The following GALNT13 variants were observed in gnomAD, a reference collection of about 807,000 sequenced individuals.
GALNT13 encodes polypeptide N-acetylgalactosaminyltransferase 13, also known as UDP-GalNAc:polypeptide N-acetylgalactosaminyltransferase 13.
Under a neutral mutation model 64.2 loss-of-function variants are expected in GALNT13, and 28 were observed. The ratio of observed to expected loss-of-function variants is 0.44; its 90% CI spans 0.32 to 0.60. The LOEUF is 0.60. Ranked by LOEUF, GALNT13 falls within the 20% of genes least tolerant of loss-of-function variation. The pLI is 0.05. For missense variants in GALNT13, 577 were observed against 669.8 expected, an observed-to-expected ratio of 0.86 and a Z score of 1.53; for synonymous variants, 214 against 224.6, an observed-to-expected ratio of 0.95 and a Z score of 0.42.
chr2:153,718,769 C>T, the GALNT13 span, among the ~76,000 whole-genome samples: 1 of 152,146 alleles, frequency 6.6e-6, no homozygotes, highest in African/African-American at 2.4e-5. Flanking sequence ...AAGAACAATT[C>T]ACATTCTGCT....
chr2:154,155,321 C>T (rs951112565), intron 4 of GALNT13, among the ~76,000 whole-genome samples: 9 of 151,734 alleles, frequency 5.9e-5, no homozygotes, highest in African/African-American at 7.3e-5. Context: ...TTTTTTTATT[C>T]GTCTCATGGA....
intron 8 of GALNT13, among the ~76,000 whole-genome samples, chr2:154,299,358 A>G (rs1010691230): frequency 1.3e-5 from 2 of 151,996 alleles, no homozygotes; most frequent in Non-Finnish European, 2.9e-5. Flanking sequence ...AACTGCCTCC[A>G]TTTTAACAGG....
chr2:153,628,374 AAC>A, the GALNT13 span, among the ~76,000 whole-genome samples: 2 of 152,120 alleles, frequency 1.3e-5, no homozygotes, highest in African/African-American at 4.8e-5. Context: ...TAGAACTTCC[AAC>A]ACTATGTTGA....
chr2:153,568,758 A>C, the GALNT13 span, among the ~76,000 whole-genome samples: 1 of 152,178 alleles, frequency 6.6e-6, no homozygotes, highest in Non-Finnish European at 1.5e-5. Flanking sequence ...GCTAAATAAT[A>C]CCAGCCCTTA....
intron 9 of GALNT13, among the ~76,000 whole-genome samples, chr2:154,311,395 T>C (rs535351433): frequency 1.3e-5 from 2 of 152,140 alleles, no homozygotes; most frequent in East Asian, 3.9e-4. Context: ...GTAGGATCCG[T>C]GATGCCCCAC....
the GALNT13 span, among the ~76,000 whole-genome samples, chr2:153,267,136 T>A: frequency 1.3e-5 from 2 of 152,242 alleles, no homozygotes; most frequent in African/African-American, 4.8e-5. Flanking sequence ...GTGTGTCACA[T>A]CCAGATTGCA....
At chr2:154,246,017 T>G (rs1689763728) in intron 7 of GALNT13, 35 bp downstream of exon 7, 1 of 1,452,270 alleles carries the variant, frequency 6.9e-7, no homozygotes, top group South Asian at 1.2e-5. Flanking sequence ...ATTATGTATA[T>G]CCCCCTAAAA....
At chr2:154,310,109 A>T (rs1449861869) in intron 9 of GALNT13, among the ~76,000 whole-genome samples, 2 of 152,228 alleles carry the variant, frequency 1.3e-5, no homozygotes, top group Non-Finnish European at 2.9e-5. Flanking sequence ...CTTTGCTTAA[A>T]GTACCATAAT....
At chr2:153,546,217 T>C in the GALNT13 span, among the ~76,000 whole-genome samples, 1 of 152,206 alleles carries the variant, frequency 6.6e-6, no homozygotes, top group Non-Finnish European at 1.5e-5. Flanking sequence ...TTCTCGCCAA[T>C]TTAAAATTGA....
intron 4 of GALNT13, among the ~76,000 whole-genome samples, chr2:154,233,123 A>G (rs1689018217): frequency 6.6e-6 from 1 of 152,076 alleles, no homozygotes; most frequent in Admixed American, 6.6e-5. Flanking sequence ...CTTTTCTGTT[A>G]ACGCCACAAA....
At chr2:153,375,106 C>T in the GALNT13 span, among the ~76,000 whole-genome samples, 23 of 152,084 alleles carry the variant, frequency 1.5e-4, no homozygotes, top group Admixed American at 6.6e-4. Context: ...AAGGCTATTG[C>T]GATGCACATA....
chr2:153,185,518 T>C, the GALNT13 span, among the ~76,000 whole-genome samples: 1 of 152,216 alleles, frequency 6.6e-6, no homozygotes, highest in Non-Finnish European at 1.5e-5. Context: ...TTGTTTCCTC[T>C]TGGCTCTGTT....
the GALNT13 span, among the ~76,000 whole-genome samples, chr2:153,255,679 C>T: frequency 2.0e-5 from 3 of 152,134 alleles, no homozygotes; most frequent in Non-Finnish European, 4.4e-5. Flanking sequence ...CAAAATCTCT[C>T]AGCATTTGCT....
the GALNT13 span, among the ~76,000 whole-genome samples, chr2:153,631,708 C>A: frequency 8.3e-4 from 126 of 152,182 alleles, no homozygotes; most frequent in Non-Finnish European, 1.5e-3. Flanking sequence ...TGGATATTAG[C>A]CCTTTGTCAG....
the GALNT13 span, among the ~76,000 whole-genome samples, chr2:153,288,585 T>C: frequency 1.3e-5 from 2 of 152,192 alleles, no homozygotes; most frequent in Non-Finnish European, 2.9e-5. Context: ...CATCTTGTTA[T>C]GAGATCAACT....
chr2:153,604,468 TC>T, the GALNT13 span, among the ~76,000 whole-genome samples: 1 of 152,066 alleles, frequency 6.6e-6, no homozygotes, highest in African/African-American at 2.4e-5. Flanking sequence ...TTTGGTCTCC[TC>T]CCTCAGTTAT....
intron 4 of GALNT13, among the ~76,000 whole-genome samples, chr2:154,186,659 G>T (rs1365835711): frequency 1.3e-5 from 2 of 152,020 alleles, no homozygotes; most frequent in Non-Finnish European, 2.9e-5. Flanking sequence ...TTCTTTGCTT[G>T]GTTCTACTTG....
chr2:153,631,759 C>T, the GALNT13 span, among the ~76,000 whole-genome samples: 2,332 of 152,090 alleles, frequency 0.015, 35 homozygotes, highest in South Asian at 0.031. Context: ...CTGTAGGTTG[C>T]CTGTTCACTC....
the GALNT13 span, among the ~76,000 whole-genome samples, chr2:153,409,375 T>A: frequency 2.7e-5 from 4 of 149,594 alleles, no homozygotes; most frequent in Non-Finnish European, 5.9e-5. Context: ...TTCATATGTG[T>A]GTATATATAT....
Sources: gnomAD v4.1 joint callset for allele counts (sites outside exome capture counted in the v4.1 genomes callset) on GRCh38, gnomAD v4.1.1 for gene constraint, MANE v1.5 for transcripts, NCBI Gene and HGNC (gene_info 2026-07-23, HGNC 2026-07-21) for gene names.